Variants in PPP1R9A observed in about 807,000 individuals in gnomAD.
PPP1R9A encodes protein phosphatase 1 regulatory subunit 9A.
A neutral mutation model predicts 141.9 loss-of-function variants in PPP1R9A; 59 were observed. That is an observed-to-expected ratio of 0.42 (90% CI 0.34 to 0.52). The LOEUF is 0.52. Among genes scored for constraint, PPP1R9A ranks in the 20% least tolerant of loss-of-function variants. The probability of loss-of-function intolerance (pLI) is 0.10; values close to 1 mark genes in which losing one functional copy is unlikely to be tolerated. For missense variants in PPP1R9A, 1,444 were observed against 1,611.9 expected (o/e 0.90, Z 1.78); for synonymous variants, 500 against 569.7 (o/e 0.88, Z 1.74).
chr7:95,284,359 G>A, intron 17 of PPP1R9A, 29 bp downstream of exon 17: 2 of 1,395,550 alleles, frequency 1.4e-6, no homozygotes, highest in Non-Finnish European at 1.9e-6. Flanking sequence ...ACAATGCATG[G>A]TATTTCTTAT....
chr7:95,096,665 T>C (rs1818062904), intron 2 of PPP1R9A, among the ~76,000 whole-genome samples: 1 of 152,190 alleles, frequency 6.6e-6, no homozygotes, highest in Non-Finnish European at 1.5e-5. Flanking sequence ...ACAAAAACTG[T>C]GTCCCAGAGC....
intron 12 of PPP1R9A, 98 bp downstream of exon 12, chr7:95,252,228 C>G: frequency 7.8e-7 from 1 of 1,280,808 alleles, no homozygotes; most frequent in Non-Finnish European, 1.0e-6. Context: ...GTTGGAAATA[C>G]CTTCCTACTA....
chr7:95,159,705 C>T (rs566460127), intron 4 of PPP1R9A, among the ~76,000 whole-genome samples: 18 of 151,944 alleles, frequency 1.2e-4, no homozygotes, highest in Non-Finnish European at 2.4e-4. Flanking sequence ...GGGAAGATCA[C>T]AAGGTCAGGA....
intron 2 of PPP1R9A, among the ~76,000 whole-genome samples, chr7:94,975,356 GTT>G (rs68186534): frequency 0.62 from 76,679 of 124,052 alleles, 21,888 homozygotes; most frequent in Middle Eastern, 0.69. Context: ...GTTTTTTTTT[GTT>G]TTTTTTTTTT....
At chr7:95,060,634 C>T (rs1189003487) in intron 2 of PPP1R9A, among the ~76,000 whole-genome samples, 4 of 152,060 alleles carry the variant, frequency 2.6e-5, no homozygotes, top group African/African-American at 4.8e-5. Context: ...CAAACTTTCC[C>T]CCATAAGTTA....
At chr7:95,242,090 T>C (rs145473602) in intron 8 of PPP1R9A, among the ~76,000 whole-genome samples, 3 of 152,284 alleles carry the variant, frequency 2.0e-5, no homozygotes, top group African/African-American at 7.2e-5. Flanking sequence ...TAAAACACTT[T>C]CGTTAATACT....
chr7:94,992,347 T>G (rs1801622127), intron 2 of PPP1R9A, among the ~76,000 whole-genome samples: 1 of 152,250 alleles, frequency 6.6e-6, no homozygotes, highest in Non-Finnish European at 1.5e-5. Flanking sequence ...ATTCTTTTTT[T>G]TATGGCTGTG....
chr7:95,194,038 A>G (rs1477288878), intron 5 of PPP1R9A, among the ~76,000 whole-genome samples: 3 of 152,010 alleles, frequency 2.0e-5, no homozygotes, highest in African/African-American at 7.2e-5. Context: ...TGCATTTTAT[A>G]CATTAACTGC....
intron 18 of PPP1R9A, among the ~76,000 whole-genome samples, chr7:95,286,727 A>G (rs1805409542): frequency 2.0e-5 from 3 of 152,148 alleles, no homozygotes; most frequent in South Asian, 2.1e-4. Context: ...TTGAGAATCA[A>G]TAGTTTTGAT....
chr7:95,229,230 C>T (rs1364815007), intron 8 of PPP1R9A, among the ~76,000 whole-genome samples: 1 of 152,002 alleles, frequency 6.6e-6, no homozygotes, highest in Middle Eastern at 3.4e-3. Flanking sequence ...CCAAGAACTA[C>T]CACAGGAAAA....
intron 2 of PPP1R9A, among the ~76,000 whole-genome samples, chr7:94,976,026 G>A (rs951770969): frequency 1.3e-5 from 2 of 152,048 alleles, no homozygotes; most frequent in African/African-American, 4.8e-5. Context: ...CAGGGATTGT[G>A]TGTTCAGGTT....
chr7:94,999,964 G>A lies in PPP1R9A; in HGVS notation c.1395+88456G>A, dbSNP rs1268689666. Among the ~76,000 whole-genome samples, 3 of 151,886 alleles carry A rather than the reference G, an allele frequency of 2.0e-5. No individual in the cohort carries two copies. In the East Asian group the frequency reaches 5.8e-4, roughly 29 times the overall value. Reference sequence around the variant, plus strand: ...TTACAGGTGCCTGCCACCACGCCAGGCTAATTTTTTGTATTTTTAGTAGAG... The same window carrying A: ...TTACAGGTGCCTGCCACCACGCCAGACTAATTTTTTGTATTTTTAGTAGAG... On this transcript the variant is annotated intron_variant, in intron 2 of 19. Transcript: ENST00000433360.
chr7:95,077,919 A>G (rs1815107944), intron 2 of PPP1R9A, among the ~76,000 whole-genome samples: 1 of 151,832 alleles, frequency 6.6e-6, no homozygotes, highest in Non-Finnish European at 1.5e-5. Context: ...TACTCTTACA[A>G]ATGGAGCTTT....
intron 2 of PPP1R9A, among the ~76,000 whole-genome samples, chr7:95,052,699 G>T (rs185239040): frequency 2.6e-5 from 4 of 152,266 alleles, no homozygotes; most frequent in Admixed American, 1.3e-4. Context: ...GGAGGGCCTT[G>T]TCAGTTCCTC....
At chr7:95,276,268 GA>G (rs1459245164) in intron 16 of PPP1R9A, among the ~76,000 whole-genome samples, 1 of 152,108 alleles carries the variant, frequency 6.6e-6, no homozygotes, top group African/African-American at 2.4e-5. Context: ...GTGTTTGATG[GA>G]ATTTTGCCAT....
chr7:95,023,518 CT>C (rs1806315392), intron 2 of PPP1R9A, among the ~76,000 whole-genome samples: 1 of 104,064 alleles, frequency 9.6e-6, no homozygotes, highest in Admixed American at 9.4e-5. Flanking sequence ...CTTCTGCTAG[CT>C]TTTGAATTAT....
intron 7 of PPP1R9A, among the ~76,000 whole-genome samples, chr7:95,207,772 C>T (rs1261333140): frequency 6.6e-6 from 1 of 152,082 alleles, no homozygotes; most frequent in Non-Finnish European, 1.5e-5. Flanking sequence ...AAAGTTATAG[C>T]AACTTTGCTG....
intron 7 of PPP1R9A, among the ~76,000 whole-genome samples, chr7:95,207,909 A>G (rs1380087902): frequency 6.6e-6 from 1 of 152,182 alleles, no homozygotes; most frequent in East Asian, 1.9e-4. Flanking sequence ...TTCATAGAGA[A>G]AAACAAAATT....
chr7:95,212,389 A>G (rs145013216), intron 7 of PPP1R9A, among the ~76,000 whole-genome samples: 36 of 152,210 alleles, frequency 2.4e-4, no homozygotes, highest in African/African-American at 8.4e-4. Context: ...AAATATATAT[A>G]TGTATTTAAA....
Sources: gnomAD v4.1 joint callset for allele counts (sites outside exome capture counted in the v4.1 genomes callset) on GRCh38, gnomAD v4.1.1 for gene constraint, MANE v1.5 for transcripts, NCBI Gene and HGNC (gene_info 2026-07-23, HGNC 2026-07-21) for gene names.